The following CSMD3 variants were observed in gnomAD, a reference collection of about 807,000 sequenced individuals.
The protein encoded by CSMD3 is CUB and Sushi multiple domains 3, also known as CUB and sushi domain-containing protein 3.
In CSMD3, 177 loss-of-function variants were observed where a neutral mutation model predicts 435.2. The observed-to-expected ratio is 0.41, with a 90% CI of 0.36 to 0.46. The LOEUF is 0.46. CSMD3 is among the 20% of genes least tolerant of loss of function. The pLI is 0.34. For synonymous variants in CSMD3, 1,656 were observed against 1,520.5 expected, an observed-to-expected ratio of 1.09 and a Z score of -2.07; for missense variants, 4,265 against 4,504.6, an observed-to-expected ratio of 0.95 and a Z score of 1.52.
At chr8:112,805,035 G>C (rs2079051968) in intron 12 of CSMD3, among the ~76,000 whole-genome samples, 1 of 152,084 alleles carries the variant, frequency 6.6e-6, no homozygotes, top group Non-Finnish European at 1.5e-5. Flanking sequence ...ACACGTTGTT[G>C]GTATTTTGAG....
intron 3 of CSMD3, among the ~76,000 whole-genome samples, chr8:113,226,552 G>A (rs1261261794): frequency 2.6e-5 from 4 of 151,518 alleles, no homozygotes; most frequent in Non-Finnish European, 5.9e-5. Context: ...TCTGGCCATT[G>A]TTGAATGACT....
chr8:113,303,383 A>C (rs1408327042), intron 2 of CSMD3, among the ~76,000 whole-genome samples: 5 of 151,492 alleles, frequency 3.3e-5, no homozygotes, highest in South Asian at 4.2e-4. Context: ...GCTACCAATG[A>C]CTTTCTTCAC....
chr8:112,818,083 A>G (rs2079427832), intron 12 of CSMD3, among the ~76,000 whole-genome samples: 1 of 151,642 alleles, frequency 6.6e-6, no homozygotes, highest in Admixed American at 6.6e-5. Context: ...ATATGTTATG[A>G]CTTTATGAAC....
chr8:112,643,729 T>A lies in CSMD3; in HGVS notation c.3310+1380A>T, dbSNP rs546579088. 1.8e-4 allele frequency: 28 copies of A among 155,378 alleles called. 1 individual carries two copies. The highest frequency in any genetic ancestry group is 1.6e-4 in the Non-Finnish European group (11 of 68,148). The allele number at this position is 155,378 out of a possible 1,614,324, so 9.6% of individuals were successfully genotyped here. On this transcript the variant is annotated intron_variant, in intron 20 of 70. Coordinates refer to ENST00000297405, the MANE Select transcript of CSMD3 (RefSeq NM_198123.2). ...AATAAAGATTGACAAAAATCACAGT[T>A]TACAAAGTCTTCTACCTCATTCCTG...
chr8:112,804,654 TATTTTA>T (rs796620517), intron 12 of CSMD3, among the ~76,000 whole-genome samples: 55 of 147,110 alleles, frequency 3.7e-4, no homozygotes, highest in Non-Finnish European at 1.0e-4. Context: ...TCATTGCATT[TATTTTA>T]TTTTATTTTA....
At chr8:112,927,256 A>C (rs561335794) in intron 9 of CSMD3, among the ~76,000 whole-genome samples, 1 of 152,070 alleles carries the variant, frequency 6.6e-6, no homozygotes, top group Non-Finnish European at 1.5e-5. Context: ...AATTAAGATT[A>C]GCAAAAAAAA....
At chr8:113,301,253 CA>C (rs913784967) in intron 2 of CSMD3, among the ~76,000 whole-genome samples, 8 of 152,070 alleles carry the variant, frequency 5.3e-5, no homozygotes, top group African/African-American at 1.9e-4. Context: ...TTTAATAAAG[CA>C]CTTCACAATG....
At chr8:112,777,818 C>T (rs561142687) in intron 13 of CSMD3, among the ~76,000 whole-genome samples, 1 of 151,838 alleles carries the variant, frequency 6.6e-6, no homozygotes, top group Non-Finnish European at 1.5e-5. Flanking sequence ...ACATGAATGA[C>T]ACTTGAGAGC....
At chr8:112,761,714 G>C (rs907288825) in intron 13 of CSMD3, among the ~76,000 whole-genome samples, 3 of 151,962 alleles carry the variant, frequency 2.0e-5, no homozygotes, top group Non-Finnish European at 2.9e-5. Context: ...GTGAAACGTT[G>C]TGCATGCACC....
chr8:112,820,645 T>A (rs1283709499), intron 12 of CSMD3, among the ~76,000 whole-genome samples: 2 of 151,800 alleles, frequency 1.3e-5, no homozygotes, highest in African/African-American at 4.8e-5. Flanking sequence ...GCCTTAATTT[T>A]TTTTTTTTTT....
At chr8:112,362,093 AC>A (rs1203113069) in intron 38 of CSMD3, among the ~76,000 whole-genome samples, 1 of 151,958 alleles carries the variant, frequency 6.6e-6, no homozygotes, top group Non-Finnish European at 1.5e-5. Context: ...CAAACGGTGA[AC>A]CCAATATGAG....
chr8:112,836,874 A>G (rs1463734831), intron 11 of CSMD3, among the ~76,000 whole-genome samples: 3 of 151,846 alleles, frequency 2.0e-5, no homozygotes, highest in South Asian at 4.1e-4. Flanking sequence ...TTGCCCAAGT[A>G]ATTTTCCCAT....
At chr8:113,110,634 T>C (rs1236970224) in intron 4 of CSMD3, among the ~76,000 whole-genome samples, 1 of 152,160 alleles carries the variant, frequency 6.6e-6, no homozygotes, top group African/African-American at 2.4e-5. Context: ...TCTCCCCTCT[T>C]CTCTTTCTGA....
chr8:112,562,842 T>C (rs1256957252), intron 24 of CSMD3, among the ~76,000 whole-genome samples: 1 of 151,712 alleles, frequency 6.6e-6, no homozygotes, highest in Non-Finnish European at 1.5e-5. Flanking sequence ...CTTCATTATA[T>C]CAACTTTTAT....
At chr8:112,930,958 C>T (rs1340662397) in intron 9 of CSMD3, among the ~76,000 whole-genome samples, 5 of 151,982 alleles carry the variant, frequency 3.3e-5, no homozygotes, top group South Asian at 4.1e-4. Context: ...TATTAAGTTG[C>T]TATTGCCATA....
Position 112,656,263 on chromosome 8 carries a change from G to GT in CSMD3, c.2894dup (p.Tyr965Ter). Reference protein sequence around the residue: ...PNLLSPLLGSYNGTQVPQFLF... With the variant: ...PNLLSPLLGS ...GAAACTGGGGCACTTGGGTGCCATT[G>GT]TAAGATCCAAGCAAGGGTGACAGAA... Residue 965 changes from tyrosine to a stop codon, truncating the protein, a stop_gained and frameshift_variant, in exon 18 of 71, where the codon TAC becomes TAAC. Coordinates refer to ENST00000297405, the MANE Select transcript of CSMD3 (RefSeq NM_198123.2). LOFTEE classifies it high-confidence loss of function. 1 of 1,612,812 alleles carries GT rather than the reference G, an allele frequency of 6.2e-7. No homozygotes were observed. Among genetic ancestry groups the GT allele is most frequent in the Non-Finnish European group, 8.5e-7 (1 of 1,178,978 alleles).
chr8:112,290,401 A>T (rs1037534292), intron 56 of CSMD3, among the ~76,000 whole-genome samples: 4 of 152,068 alleles, frequency 2.6e-5, no homozygotes, highest in Non-Finnish European at 4.4e-5. Flanking sequence ...TCAGGTTTAC[A>T]AGTCCTATGA....
At position 113,220,795 on chromosome 8, in the gene CSMD3, G is replaced by C. The variant is rs183527836; in HGVS notation, c.515-46879C>G. 3.7e-3 allele frequency among the ~76,000 whole-genome samples: 553 copies of C among 151,394 alleles called. 4 individuals are homozygous for C. Among genetic ancestry groups the C allele is most frequent in the Non-Finnish European group, 6.8e-3 (459 of 67,532 alleles). ...AAGTAACTATACAGTGGGGAAAATT[G>C]ACCTGTTCAAGTAATTAAAAGGAAC... On this transcript the variant is annotated intron_variant, in intron 3 of 70. Transcript: ENST00000297405.
At chr8:112,391,333 T>C (rs1013684084) in intron 35 of CSMD3, among the ~76,000 whole-genome samples, 1 of 152,128 alleles carries the variant, frequency 6.6e-6, no homozygotes, top group Admixed American at 6.6e-5. Flanking sequence ...GACTAAGTAC[T>C]CTCCACATTC....
Sources: allele counts gnomAD v4.1 joint callset (sites outside exome capture counted in the v4.1 genomes callset), GRCh38; gene constraint gnomAD v4.1.1; transcripts MANE v1.5; gene names NCBI Gene and HGNC (gene_info 2026-07-23, HGNC 2026-07-21).